The following TRPC7 variants were observed in gnomAD, a reference collection of about 807,000 sequenced individuals.
TRPC7 encodes short transient receptor potential channel 7.
A neutral mutation model predicts 90.1 loss-of-function variants in TRPC7; 42 were observed. The ratio of observed to expected loss-of-function variants is 0.47; its 90% confidence interval spans 0.36 to 0.60. The LOEUF is 0.60. Ranked by LOEUF, TRPC7 falls within the 20% of genes least tolerant of loss-of-function variation. TRPC7 has a pLI of 0.00. For synonymous variants in TRPC7, 451 were observed against 436.3 expected (o/e 1.03, Z -0.42); for missense variants, 955 against 1,112.3 (o/e 0.86, Z 2.01).
At chr5:136,348,129 A>C (rs1760070110) in intron 2 of TRPC7, among the ~76,000 whole-genome samples, 1 of 152,158 alleles carries the variant, frequency 6.6e-6, no homozygotes, top group Non-Finnish European at 1.5e-5. Context: ...AGATCTTTCC[A>C]AACTGCATAT....
intron 6 of TRPC7, among the ~76,000 whole-genome samples, chr5:136,250,206 CT>C: frequency 6.6e-6 from 1 of 152,330 alleles, no homozygotes; most frequent in South Asian, 2.1e-4. Flanking sequence ...ACTTGTAATA[CT>C]ACAAGACTCT....
intron 8 of TRPC7, among the ~76,000 whole-genome samples, chr5:136,229,375 T>G (rs907204441): frequency 4.6e-5 from 7 of 152,136 alleles, no homozygotes; most frequent in Non-Finnish European, 7.4e-5. Context: ...TGCTCCCTAC[T>G]GCATAGAGTA....
intron 7 of TRPC7, among the ~76,000 whole-genome samples, chr5:136,236,817 C>T (rs1026653551): frequency 6.6e-6 from 1 of 152,136 alleles, no homozygotes; most frequent in East Asian, 1.9e-4. Context: ...TGCCATATCT[C>T]TCTCTCCCCA....
chr5:136,308,466 GCCTCAGCAGGAAA>G (rs1758718321), intron 3 of TRPC7, among the ~76,000 whole-genome samples: 1 of 152,218 alleles, frequency 6.6e-6, no homozygotes, highest in African/African-American at 2.4e-5. Flanking sequence ...TTAAAACGAT[GCCTCAGCAGGAAA>G]ACACAGTAGG....
In TRPC7 at chr5:136,282,469, A is replaced by G. The variant is rs141235443; in HGVS notation, c.964-7632T>C. On this transcript the variant is annotated intron_variant, in intron 3 of 11. Transcript: ENST00000513104. Reference sequence around the variant, plus strand: ...TAATTATTTTAAAATGACACTTTAAAATTCAGTCTATCTCCTGTAAATTTA... The same window carrying G: ...TAATTATTTTAAAATGACACTTTAAGATTCAGTCTATCTCCTGTAAATTTA... Among the ~76,000 whole-genome samples the G allele has an allele frequency of 3.4e-3, 517 of 152,312 alleles. 1 individual carries two copies. The highest frequency in any genetic ancestry group is 0.011 in the African/African-American group (476 of 41,576).
intron 7 of TRPC7, among the ~76,000 whole-genome samples, chr5:136,243,413 G>A (rs80061080): frequency 0.023 from 3,460 of 152,178 alleles, 56 homozygotes; most frequent in Middle Eastern, 0.037. Context: ...TGGGTCTGCC[G>A]AGTCTATAGA....
At chr5:136,286,063 T>C (rs1365042645) in intron 3 of TRPC7, among the ~76,000 whole-genome samples, 1 of 152,228 alleles carries the variant, frequency 6.6e-6, no homozygotes, top group East Asian at 1.9e-4. Flanking sequence ...ACTGCACCTG[T>C]AGTACTTGGA....
At chr5:136,316,170 C>G (rs1759020429) in intron 2 of TRPC7, 1 of 176,730 alleles carries the variant, frequency 5.7e-6, no homozygotes, top group Non-Finnish European at 1.2e-5. Flanking sequence ...ACAGCCCATC[C>G]TGGGCTCTTT....
At chr5:136,348,544 G>GAA (rs2149856549) in intron 2 of TRPC7, among the ~76,000 whole-genome samples, 1 of 152,256 alleles carries the variant, frequency 6.6e-6, no homozygotes, top group African/African-American at 2.4e-5. Flanking sequence ...ATGATTACAT[G>GAA]GAGGACACCT....
At chr5:136,356,547 G>T in intron 2 of TRPC7, 61 bp downstream of exon 2, 2 of 1,445,054 alleles carry the variant, frequency 1.4e-6, no homozygotes, top group South Asian at 1.5e-5. Context: ...ATTTCACACT[G>T]GACACACGTG....
At chr5:136,301,811 T>C (rs1306359471) in intron 3 of TRPC7, among the ~76,000 whole-genome samples, 3 of 152,208 alleles carry the variant, frequency 2.0e-5, no homozygotes, top group Non-Finnish European at 2.9e-5. Context: ...TGTTTGGTGG[T>C]CTCTTCACAC....
intron 4 of TRPC7, among the ~76,000 whole-genome samples, chr5:136,270,943 C>T (rs1296039685): frequency 2.6e-5 from 4 of 152,132 alleles, no homozygotes; most frequent in East Asian, 3.9e-4. Flanking sequence ...TTTCTTTAAT[C>T]GAGTGTAGCT....
At chr5:136,246,727 C>G (rs1756351745) in intron 7 of TRPC7, among the ~76,000 whole-genome samples, 1 of 152,162 alleles carries the variant, frequency 6.6e-6, no homozygotes, top group Non-Finnish European at 1.5e-5. Flanking sequence ...TAGCATGCAA[C>G]TTTTACCCAG....
Position 136,247,655 on chromosome 5 carries a change from G to T in TRPC7, c.1660C>A (p.Arg554Ser), listed in dbSNP as rs745989586. The T allele has an allele frequency of 1.2e-6, 2 of 1,613,854 alleles. No individual in the cohort carries two copies. The highest frequency in any genetic ancestry group is 2.2e-5 in the East Asian group (1 of 44,896). Residue 554 changes from arginine to serine, a missense_variant, in exon 7 of 12, where the codon CGC (arginine) becomes AGC (serine). Transcript: ENST00000513104. This position sits in a 1 kb window ranked among gnomAD's most constrained non-coding sequence, Gnocchi z 4.2. ...YAIAVVLSFSRIAYILPANES... is the reference protein window; with the variant it reads ...YAIAVVLSFSSIAYILPANES... ...TTGGCTGGCAGAATGTATGCAATGC[G>T]AGAGAAGCTCAGCACGACGGCTATC...
chr5:136,281,934 CACTT>C (rs1480021622), intron 3 of TRPC7, among the ~76,000 whole-genome samples: 1 of 152,198 alleles, frequency 6.6e-6, no homozygotes, highest in East Asian at 1.9e-4. Context: ...AAGATGTGCT[CACTT>C]ACGGAGTATT....
rs192556004 is a variant in TRPC7, at chr5:136,303,765, G to A, written c.963+11832C>T. 6.9e-3 allele frequency: 1,050 copies of A among 151,588 alleles called. 16 individuals are homozygous for A. Among genetic ancestry groups the A allele is most frequent in the Middle Eastern group, 0.017 (5 of 292 alleles). 9.4% of individuals were successfully genotyped at this position (151,588 alleles called of 1,614,324 possible). A position where few individuals can be genotyped will look rare whatever the true frequency, so the allele number is the denominator to read the frequency against. ...CTCTGACTCCTTCCCAGATCTTCTC[G>A]GCTTAGCGGCTGAAGACTGACACTG... On this transcript the variant is annotated intron_variant, in intron 3 of 11. Coordinates refer to ENST00000513104, the MANE Select transcript of TRPC7 (RefSeq NM_020389.3).
intron 7 of TRPC7, among the ~76,000 whole-genome samples, chr5:136,235,605 A>G (rs1284597142): frequency 6.6e-6 from 1 of 152,138 alleles, no homozygotes; most frequent in African/African-American, 2.4e-5. Context: ...GAGCTCTGGA[A>G]CCCAGGGCAT....
chr5:136,290,660 T>C (rs1757910080), intron 3 of TRPC7, among the ~76,000 whole-genome samples: 1 of 152,182 alleles, frequency 6.6e-6, no homozygotes, highest in Non-Finnish European at 1.5e-5. Flanking sequence ...CAAGTCTACA[T>C]CTAATTGGTG....
At chr5:136,252,962 TG>T (rs1756571100) in intron 5 of TRPC7, among the ~76,000 whole-genome samples, 1 of 152,242 alleles carries the variant, frequency 6.6e-6, no homozygotes. Context: ...CTTCTAGACC[TG>T]TACTGTCCAA....
Sources: gnomAD v4.1 joint callset for allele counts (sites outside exome capture counted in the v4.1 genomes callset) on GRCh38, gnomAD v4.1.1 for gene constraint, Gnocchi (gnomAD v3.1) non-coding constraint, MANE v1.5 for transcripts, NCBI Gene and HGNC (gene_info 2026-07-23, HGNC 2026-07-21) for gene names.